Variants in ATOH8 observed in about 807,000 individuals in gnomAD.
The protein encoded by ATOH8 is atonal bHLH transcription factor 8.
A neutral mutation model predicts 21.2 loss-of-function variants in ATOH8; 9 were observed. That is an observed-to-expected ratio of 0.42 (90% CI 0.26 to 0.74). The LOEUF (loss-of-function observed/expected upper bound fraction) is 0.74, where lower values mean the gene tolerates loss of function less well. Among genes scored for constraint, ATOH8 ranks in the 30% least tolerant of loss-of-function variants. ATOH8 has a pLI of 0.24. For synonymous variants in ATOH8, 253 were observed against 224.0 expected (o/e 1.13, Z -1.16); for missense variants, 524 against 470.9 (o/e 1.11, Z -1.04).
In ATOH8 at chr2:85,788,342, A is replaced by G. The variant is rs141543845; in HGVS notation, c.*1452A>G. 1.2e-3 allele frequency among the ~76,000 whole-genome samples: 186 copies of G among 152,126 alleles called. No individual in the cohort carries two copies. The highest frequency in any genetic ancestry group is 4.0e-3 in the African/African-American group (167 of 41,498). On this transcript the variant is annotated 3_prime_UTR_variant, in exon 3 of 3. Transcript: ENST00000306279. ...TCAATCTGTACCATGGATTTATGAG[A>G]TAGGGGCCCCTATTATTAACCCCGT...
intron 2 of ATOH8, among the ~76,000 whole-genome samples, chr2:85,769,429 G>A (rs909555661): frequency 6.6e-6 from 1 of 152,190 alleles, no homozygotes; most frequent in African/African-American, 2.4e-5. Flanking sequence ...CTGGGAAGGC[G>A]GGGTCTGCAG....
intron 2 of ATOH8, among the ~76,000 whole-genome samples, chr2:85,780,776 T>C (rs1680461206): frequency 6.6e-6 from 1 of 152,242 alleles, no homozygotes; most frequent in Non-Finnish European, 1.5e-5. Context: ...CTGAAACTCT[T>C]AGACACTCGG....
chr2:85,767,661 T>C (rs1415064604), intron 2 of ATOH8, among the ~76,000 whole-genome samples: 1 of 148,612 alleles, frequency 6.7e-6, no homozygotes, highest in Non-Finnish European at 1.5e-5. Context: ...ATTTACCACA[T>C]AGTCCCCACC....
intron 2 of ATOH8, among the ~76,000 whole-genome samples, chr2:85,776,532 G>A (rs1025399062): frequency 2.6e-5 from 4 of 152,300 alleles, no homozygotes; most frequent in East Asian, 3.9e-4. Context: ...CCCTCCTCAC[G>A]CAGTGACTTA....
intron 2 of ATOH8, among the ~76,000 whole-genome samples, chr2:85,778,656 A>T (rs1680401695): frequency 6.6e-6 from 1 of 152,026 alleles, no homozygotes; most frequent in African/African-American, 2.4e-5. Flanking sequence ...CTTTGGTGTG[A>T]CTTGGCTTGT....
In ATOH8 at chr2:85,789,536, A is replaced by G. The variant is rs1228208123; in HGVS notation, c.*2646A>G. Among the ~76,000 whole-genome samples the G allele has an allele frequency of 6.6e-6, 1 of 152,162 alleles. No individual in the cohort carries two copies. Among genetic ancestry groups the G allele is most frequent in the Non-Finnish European group, 1.5e-5 (1 of 68,020 alleles). ...TGAGTAAAAGCTTTCTGAGCAGGGG[A>G]GTAGGAAAAGGGCTTTCTATGCAGA... On this transcript the variant is annotated 3_prime_UTR_variant, in exon 3 of 3. Coordinates refer to ENST00000306279, the MANE Select transcript of ATOH8 (RefSeq NM_032827.7).
chr2:85,767,672 A>T (rs1015107760), intron 2 of ATOH8, among the ~76,000 whole-genome samples: 3 of 116,578 alleles, frequency 2.6e-5, no homozygotes, highest in Non-Finnish European at 5.5e-5. Context: ...AGTCCCCACC[A>T]TCATGCAGCG....
At chr2:85,767,614 A>G (rs532013969) in intron 2 of ATOH8, among the ~76,000 whole-genome samples, 1 of 1,364 alleles carries the variant, frequency 7.3e-4, no homozygotes, top group African/African-American at 2.1e-3. Flanking sequence ...GCTATTGAGT[A>G]CCCTCTATGT....
At chr2:85,767,484 G>C (rs67494720) in intron 2 of ATOH8, among the ~76,000 whole-genome samples, 74,918 of 149,422 alleles carry the variant, frequency 0.5, 19,453 homozygotes, top group African/African-American at 0.6. Context: ...GTCTACCCCC[G>C]CTCAACAGGA....
At position 85,766,702 on chromosome 2, in the gene ATOH8, C is replaced by A. The variant is rs765106116; in HGVS notation, c.960+2520C>A. Reference sequence around the variant, plus strand: ...CTTTCCAGCTCAGGACCCCTGGAGTCGCTGGAGCCTTCGAGCTCCCAGGCA... The same window carrying A: ...CTTTCCAGCTCAGGACCCCTGGAGTAGCTGGAGCCTTCGAGCTCCCAGGCA... On this transcript the variant is annotated intron_variant, in intron 2 of 2. Transcript: ENST00000306279. This position sits in a 1 kb window ranked among gnomAD's most constrained non-coding sequence, Gnocchi z 4.0. 1.3e-5 allele frequency among the ~76,000 whole-genome samples: 2 copies of A among 152,214 alleles called. No homozygotes were observed. Among genetic ancestry groups the A allele is most frequent in the Non-Finnish European group, 2.9e-5 (2 of 68,036 alleles).
In ATOH8 at chr2:85,764,178, G is replaced by C; in HGVS notation, c.956G>C (p.Arg319Pro). Reference protein sequence around the residue: ...TLQAEGRAKKRKE With the variant: ...TLQAEGRAKKPKE ...CAGGCCGAGGGACGTGCCAAGAAGC[G>C]CAAGGTATGCACCAGCTGGGTGGGC... The change falls in exon 2 of 3, where the codon CGC becomes CCC. Residue 319 changes from arginine (R) to proline (P), a missense_variant. Physicochemically the swap from Arg to Pro is moderately radical, Grantham distance 103. Transcript: ENST00000306279. 1 of 1,614,072 alleles carries C rather than the reference G, an allele frequency of 6.2e-7. No homozygotes were observed. Among genetic ancestry groups the C allele is most frequent in the Non-Finnish European group, 8.5e-7 (1 of 1,180,020 alleles).
intron 1 of ATOH8, 117 bp downstream of exon 1, chr2:85,755,074 C>A: frequency 7.4e-7 from 1 of 1,355,414 alleles, no homozygotes; most frequent in Non-Finnish European, 9.7e-7. Flanking sequence ...CCGCCCGGTC[C>A]GACCCTGGTG....
At chr2:85,757,236 G>A (rs1679729905) in intron 1 of ATOH8, among the ~76,000 whole-genome samples, 1 of 152,250 alleles carries the variant, frequency 6.6e-6, no homozygotes, top group African/African-American at 2.4e-5. Context: ...GGACGTTTCT[G>A]GTCATAGAAC....
intron 1 of ATOH8, among the ~76,000 whole-genome samples, chr2:85,761,692 C>T (rs943787748): frequency 1.3e-5 from 2 of 152,170 alleles, no homozygotes; most frequent in Non-Finnish European, 2.9e-5. Flanking sequence ...GCACCCAGTC[C>T]CCAGAGTCTC....
rs752435998 is a variant in ATOH8, at chr2:85,754,931, G to T, written c.742G>T (p.Ala248Ser). Residue 248 changes from alanine (A) to serine (S), a missense_variant, in exon 1 of 3, where the codon GCA becomes TCA. Transcript: ENST00000306279. Reference sequence around the variant, plus strand: ...GCGGACGCGGGTGCACACCATCAGCGCAGCCTTCGAGGCGCTCAGGAAGCA... The same window carrying T: ...GCGGACGCGGGTGCACACCATCAGCTCAGCCTTCGAGGCGCTCAGGAAGCA... ...RERTRVHTISAAFEALRKQVP... is the reference protein window; with the variant it reads ...RERTRVHTISSAFEALRKQVP... 2.5e-6 allele frequency: 4 copies of T among 1,603,758 alleles called. No individual in the cohort carries two copies. Among genetic ancestry groups the T allele is most frequent in the East Asian group, 2.2e-5 (1 of 44,748 alleles).
chr2:85,756,884 C>A (rs1170566440), intron 1 of ATOH8, among the ~76,000 whole-genome samples: 1 of 152,232 alleles, frequency 6.6e-6, no homozygotes, highest in South Asian at 2.1e-4. Context: ...AGGGTGCACA[C>A]TTGGCAGACC....
chr2:85,754,806 C>G lies in ATOH8; in HGVS notation c.617C>G (p.Ser206Cys). 1.9e-6 allele frequency: 3 copies of G among 1,612,928 alleles called. No homozygotes were observed. The highest frequency in any genetic ancestry group is 2.5e-6 in the Non-Finnish European group (3 of 1,179,914). Residue 206 changes from serine (S) to cysteine (C), a missense_variant, in exon 1 of 3, where the codon TCC becomes TGC. By Grantham distance (112) the Ser-to-Cys change is moderately radical. Coordinates refer to ENST00000306279, the MANE Select transcript of ATOH8 (RefSeq NM_032827.7). ...SHVIYNNHQD[S>C]SASPRKRPGE... ...GTAATTTACAATAACCACCAGGATTCCTCCGCGTCGCCTAGGAAACGACCG... is the reference window on the plus strand; with the variant it reads ...GTAATTTACAATAACCACCAGGATTGCTCCGCGTCGCCTAGGAAACGACCG...
At chr2:85,769,625 G>A (rs1273697455) in intron 2 of ATOH8, among the ~76,000 whole-genome samples, 2 of 152,200 alleles carry the variant, frequency 1.3e-5, no homozygotes, top group East Asian at 1.9e-4. Flanking sequence ...CCGTAGCTTC[G>A]GTGCCAGGGA....
At chr2:85,769,210 T>G (rs1680110180) in intron 2 of ATOH8, among the ~76,000 whole-genome samples, 1 of 152,234 alleles carries the variant, frequency 6.6e-6, no homozygotes, top group South Asian at 2.1e-4. Context: ...AGTATAATAC[T>G]AACTACAACA....
Sources: gnomAD v4.1 joint callset for allele counts (sites outside exome capture counted in the v4.1 genomes callset) on GRCh38, gnomAD v4.1.1 for gene constraint, Gnocchi (gnomAD v3.1) non-coding constraint, MANE v1.5 for transcripts, NCBI Gene and HGNC (gene_info 2026-07-23, HGNC 2026-07-21) for gene names.